The following PHIP variants were observed in gnomAD, a reference collection of about 807,000 sequenced individuals.
PHIP encodes PH-interacting protein.
In PHIP, 54 loss-of-function variants were observed where a neutral mutation model predicts 236.8. That is an observed-to-expected ratio of 0.23 (90% CI 0.18 to 0.29). PHIP has a LOEUF of 0.29. Among genes scored for constraint, PHIP ranks in the 10% least tolerant of loss-of-function variants. The pLI is 1.00. For synonymous variants in PHIP, 756 were observed against 718.9 expected (o/e 1.05, Z -0.83); for missense variants, 1,370 against 2,190.8 (o/e 0.63, Z 7.48).
intron 4 of PHIP, 39 bp from the exon 5 acceptor site, chr6:79,060,857 T>C: frequency 7.4e-7 from 1 of 1,353,416 alleles, no homozygotes; most frequent in Non-Finnish European, 1.0e-6. Context: ...TTTCAGTTTA[T>C]CATTTTAATT....
intron 4 of PHIP, among the ~76,000 whole-genome samples, chr6:79,071,411 T>A (rs1773877444): frequency 6.6e-6 from 1 of 152,248 alleles, no homozygotes; most frequent in African/African-American, 2.4e-5. Flanking sequence ...AAGTAATTTA[T>A]TAACTCACAA....
At chr6:78,998,173 T>G in intron 18 of PHIP, 81 bp downstream of exon 18, 1 of 1,083,236 alleles carries the variant, frequency 9.2e-7, no homozygotes, top group Non-Finnish European at 1.4e-6. Flanking sequence ...ACCATAATTT[T>G]TTTAAACCAC....
chr6:79,025,508 T>C lies in PHIP; in HGVS notation c.923+11A>G. The C allele has an allele frequency of 6.6e-7, 1 of 1,511,530 alleles. No individual in the cohort carries two copies. The highest frequency in any genetic ancestry group is 9.2e-7 in the Non-Finnish European group (1 of 1,087,918). The allele number at this position is 1,511,530 out of a possible 1,614,324, so 93.6% of individuals were successfully genotyped here. The stretch of plus-strand genomic sequence containing the variant: ...AACACATTTAATCTATGAAATAAAA[T>C]AGAAACTGACTTTATTTTAAGGGTT... On this transcript the variant is annotated intron_variant, in intron 9 of 39. Coordinates refer to ENST00000275034, the MANE Select transcript of PHIP (RefSeq NM_017934.7).
At chr6:79,004,111 T>G (rs181062920) in intron 15 of PHIP, among the ~76,000 whole-genome samples, 3 of 152,068 alleles carry the variant, frequency 2.0e-5, no homozygotes, top group South Asian at 2.1e-4. Context: ...CCCCCACCCA[T>G]AGAATTCTGC....
chr6:78,961,626 T>C, intron 31 of PHIP, 64 bp downstream of exon 31: 1 of 1,540,536 alleles, frequency 6.5e-7, no homozygotes, highest in Non-Finnish European at 8.9e-7. Flanking sequence ...CTGCTAAAGA[T>C]CAGTAAATGG....
At chr6:78,942,304 G>A (rs777880405) in intron 39 of PHIP, among the ~76,000 whole-genome samples, 3 of 152,092 alleles carry the variant, frequency 2.0e-5, no homozygotes, top group Non-Finnish European at 2.9e-5. Flanking sequence ...CCAACATGGC[G>A]AAACCCCGTC....
chr6:79,037,045 T>A (rs1277444270), intron 7 of PHIP, among the ~76,000 whole-genome samples: 2 of 151,922 alleles, frequency 1.3e-5, no homozygotes, highest in Admixed American at 1.3e-4. Flanking sequence ...AAATCAATAC[T>A]GATAACACTA....
intron 39 of PHIP, among the ~76,000 whole-genome samples, chr6:78,942,544 A>T (rs976689242): frequency 6.6e-6 from 1 of 152,216 alleles, no homozygotes; most frequent in Non-Finnish European, 1.5e-5. Flanking sequence ...GGTCAGAGCC[A>T]AGTACAGACA....
At chr6:79,066,489 T>C (rs1016946323) in intron 4 of PHIP, among the ~76,000 whole-genome samples, 3 of 152,212 alleles carry the variant, frequency 2.0e-5, no homozygotes, top group African/African-American at 7.2e-5. Flanking sequence ...CAATTCATAC[T>C]ATCACACAAA....
intron 32 of PHIP, chr6:78,957,534 C>G (rs891972808): frequency 2.7e-5 from 4 of 149,076 alleles, no homozygotes; most frequent in African/African-American, 7.4e-5. Context: ...CAAAAAGGAG[C>G]TCAAAGATTA....
intron 24 of PHIP, among the ~76,000 whole-genome samples, chr6:78,975,010 CT>C (rs1478750091): frequency 1.3e-5 from 2 of 151,512 alleles, no homozygotes; most frequent in Non-Finnish European, 2.9e-5. Context: ...GGAATCCCCC[CT>C]AACTCATTTT....
intron 4 of PHIP, among the ~76,000 whole-genome samples, chr6:79,062,784 C>G (rs561684802): frequency 6.6e-6 from 1 of 152,190 alleles, no homozygotes; most frequent in Non-Finnish European, 1.5e-5. Flanking sequence ...TGTGCTTTCT[C>G]TGGCTTTTGA....
chr6:79,066,703 G>T (rs1038776863), intron 4 of PHIP, among the ~76,000 whole-genome samples: 5 of 151,832 alleles, frequency 3.3e-5, no homozygotes, highest in Non-Finnish European at 7.4e-5. Flanking sequence ...AAATTCTAAG[G>T]GTAAAAGTAG....
At chr6:79,050,507 A>C (rs1057026874) in intron 6 of PHIP, among the ~76,000 whole-genome samples, 13 of 152,190 alleles carry the variant, frequency 8.5e-5, no homozygotes, top group Admixed American at 8.5e-4. Flanking sequence ...GATCAATATT[A>C]GAAAAGAAAG....
intron 6 of PHIP, 52 bp from the exon 7 acceptor site, chr6:79,043,055 C>G: frequency 6.9e-7 from 1 of 1,442,636 alleles, no homozygotes; most frequent in Non-Finnish European, 9.6e-7. Flanking sequence ...AATTTTCTTA[C>G]ATGATCACCT....
intron 15 of PHIP, among the ~76,000 whole-genome samples, chr6:79,010,233 C>G (rs981997331): frequency 2.0e-5 from 3 of 151,764 alleles, no homozygotes; most frequent in Non-Finnish European, 4.4e-5. Flanking sequence ...ATACATACAG[C>G]TACAATTATC....
chr6:78,988,583 C>T (rs1002875184), intron 20 of PHIP, among the ~76,000 whole-genome samples: 2 of 152,062 alleles, frequency 1.3e-5, no homozygotes, highest in African/African-American at 4.8e-5. Flanking sequence ...TCCTAACATA[C>T]AACAACAATA....
rs1192543926 is a variant in PHIP at position 78,985,414 on chromosome 6, A to G, written c.2475T>C (p.Val825=). 7 of 1,586,230 alleles carry G rather than the reference A, an allele frequency of 4.4e-6. No homozygotes were observed. Among genetic ancestry groups the G allele is most frequent in the Non-Finnish European group, 6.1e-6 (7 of 1,154,636 alleles). ...GSSSSDEGEV[V]AVSGGTSEEE... ...CTTCGGATGTTCCACCACTGACAGC[A>G]ACTACTTCGCCTTCCTAAGATATGT... The change falls in exon 22 of 40, where the codon GTT becomes GTC. Residue 825 remains valine, a synonymous_variant. Coordinates refer to ENST00000275034, the MANE Select transcript of PHIP (RefSeq NM_017934.7).
chr6:79,061,123 T>C (rs968337282), intron 4 of PHIP, among the ~76,000 whole-genome samples: 2 of 152,172 alleles, frequency 1.3e-5, no homozygotes, highest in African/African-American at 2.4e-5. Flanking sequence ...TATAAAAAGT[T>C]TGAGCACTTT....
Sources: gnomAD v4.1 joint callset for allele counts (sites outside exome capture counted in the v4.1 genomes callset) on GRCh38, gnomAD v4.1.1 for gene constraint, MANE v1.5 for transcripts, NCBI Gene and HGNC (gene_info 2026-07-23, HGNC 2026-07-21) for gene names.